DTNB: variants seen among roughly 807,000 people sequenced by gnomAD.
DTNB encodes dystrobrevin beta.
A neutral mutation model predicts 90.7 loss-of-function variants in DTNB; 63 were observed. The observed-to-expected ratio is 0.69, with a 90% CI of 0.57 to 0.86. The LOEUF is 0.86. Among genes scored for constraint, DTNB ranks in the 40% least tolerant of loss-of-function variants. The pLI, the probability that DTNB is intolerant of heterozygous loss-of-function variation, is 0.00. For synonymous variants in DTNB, 277 were observed against 286.7 expected, an observed-to-expected ratio of 0.97 and a Z score of 0.34; for missense variants, 744 against 807.1, an observed-to-expected ratio of 0.92 and a Z score of 0.95.
chr2:25,560,637 A>G (rs2058114239), intron 8 of DTNB, among the ~76,000 whole-genome samples: 1 of 152,180 alleles, frequency 6.6e-6, no homozygotes, highest in Non-Finnish European at 1.5e-5. Context: ...TGGGTCTCCA[A>G]CTTGCCAACT....
chr2:25,635,953 G>A (rs190056496), intron 3 of DTNB, among the ~76,000 whole-genome samples: 3 of 152,080 alleles, frequency 2.0e-5, no homozygotes, highest in Admixed American at 2.0e-4. Flanking sequence ...AACACAAGAG[G>A]GTCAAAAAGC....
chr2:25,402,189 T>A (rs1573892636), intron 16 of DTNB, among the ~76,000 whole-genome samples: 1 of 151,840 alleles, frequency 6.6e-6, no homozygotes, highest in South Asian at 2.1e-4. Flanking sequence ...GAGGGAGAGG[T>A]GATGGGGCTA....
chr2:25,393,579 A>G (rs1038105275), intron 16 of DTNB, among the ~76,000 whole-genome samples: 10 of 152,342 alleles, frequency 6.6e-5, no homozygotes, highest in Admixed American at 5.2e-4. Flanking sequence ...GCTCTGCTAT[A>G]TATCAACAGC....
intron 1 of DTNB, among the ~76,000 whole-genome samples, chr2:25,662,475 G>A (rs1177381609): frequency 6.6e-6 from 1 of 152,020 alleles, no homozygotes; most frequent in African/African-American, 2.4e-5. Context: ...CATATTAACA[G>A]AAGCAGGACT....
chr2:25,379,433 G>A (rs2036912910), intron 19 of DTNB, 110 bp from the exon 20 acceptor site: 6 of 1,237,862 alleles, frequency 4.8e-6, no homozygotes, highest in Non-Finnish European at 5.1e-6. Flanking sequence ...GGGCTTCCTT[G>A]CTTCTCCCGT....
chr2:25,638,564 A>G, intron 3 of DTNB, among the ~76,000 whole-genome samples: 1 of 152,118 alleles, frequency 6.6e-6, no homozygotes, highest in East Asian at 1.9e-4. Context: ...ATATATACAG[A>G]CACACACACA....
intron 4 of DTNB, among the ~76,000 whole-genome samples, chr2:25,619,776 T>C (rs2071932108): frequency 6.6e-6 from 1 of 152,168 alleles, no homozygotes; most frequent in Non-Finnish European, 1.5e-5. Flanking sequence ...GTGCAGTGGC[T>C]CAAGCCTGTA....
chr2:25,394,567 G>A (rs1311305761), intron 16 of DTNB, among the ~76,000 whole-genome samples: 1 of 152,016 alleles, frequency 6.6e-6, no homozygotes, highest in Non-Finnish European at 1.5e-5. Flanking sequence ...ATAAAAAAGT[G>A]GGCTAAGGAC....
intron 5 of DTNB, among the ~76,000 whole-genome samples, chr2:25,596,707 T>C (rs554545349): frequency 2.6e-5 from 4 of 152,314 alleles, no homozygotes; most frequent in Admixed American, 2.6e-4. Context: ...TCTATACTGA[T>C]GATGTAATGC....
intron 1 of DTNB, among the ~76,000 whole-genome samples, chr2:25,671,644 C>T (rs945440659): frequency 2.6e-5 from 4 of 152,124 alleles, no homozygotes; most frequent in Non-Finnish European, 5.9e-5. Flanking sequence ...ATTTTCTAAC[C>T]ATAGGTAGAA....
intron 4 of DTNB, among the ~76,000 whole-genome samples, chr2:25,610,429 T>C (rs1033659782): frequency 1.3e-5 from 2 of 152,332 alleles, no homozygotes; most frequent in South Asian, 2.1e-4. Flanking sequence ...TCTGGTTTTA[T>C]ATAATTTTAA....
At chr2:25,458,211 T>C (rs972093588) in intron 10 of DTNB, among the ~76,000 whole-genome samples, 5 of 152,194 alleles carry the variant, frequency 3.3e-5, no homozygotes, top group African/African-American at 1.2e-4. Flanking sequence ...AAATAGATGA[T>C]TCTGATGACT....
At chr2:25,493,271 A>G (rs1330353912) in intron 9 of DTNB, among the ~76,000 whole-genome samples, 4 of 152,176 alleles carry the variant, frequency 2.6e-5, no homozygotes, top group Admixed American at 2.6e-4. Context: ...GGAGGTAACC[A>G]TTTTAAATAC....
intron 9 of DTNB, among the ~76,000 whole-genome samples, chr2:25,487,347 T>C (rs896988448): frequency 6.6e-6 from 1 of 152,214 alleles, no homozygotes; most frequent in Non-Finnish European, 1.5e-5. Context: ...TGCTGAGTAA[T>C]ACACTGAATC....
At chr2:25,673,222 G>A (rs1160648709) in intron 1 of DTNB, among the ~76,000 whole-genome samples, 164 bp downstream of exon 1, 2 of 151,400 alleles carry the variant, frequency 1.3e-5, no homozygotes. Flanking sequence ...GCGGTGCAGC[G>A]GCCCCGGCTC....
intron 9 of DTNB, among the ~76,000 whole-genome samples, chr2:25,503,175 A>T (rs2071287434): frequency 6.6e-6 from 1 of 151,668 alleles, no homozygotes; most frequent in Non-Finnish European, 1.5e-5. Context: ...TACACAGAAA[A>T]CTCTAAAGAG....
chr2:25,417,328 AAGGTC>A (rs1182306851), intron 16 of DTNB, among the ~76,000 whole-genome samples: 1 of 152,186 alleles, frequency 6.6e-6, no homozygotes, highest in African/African-American at 2.4e-5. Flanking sequence ...CACAGAATGA[AAGGTC>A]ACTGAAATGG....
intron 1 of DTNB, among the ~76,000 whole-genome samples, chr2:25,663,072 C>A (rs1365575260): frequency 6.6e-6 from 1 of 151,982 alleles, no homozygotes; most frequent in African/African-American, 2.4e-5. Context: ...TGGCCCCCAC[C>A]CCCCAACAGG....
At chr2:25,450,320 G>T (rs2059087060) in intron 12 of DTNB, among the ~76,000 whole-genome samples, 1 of 152,146 alleles carries the variant, frequency 6.6e-6, no homozygotes, top group Non-Finnish European at 1.5e-5. Context: ...TTTTCTGACT[G>T]ATTTGCTTCT....
Sources: allele counts gnomAD v4.1 joint callset (sites outside exome capture counted in the v4.1 genomes callset), GRCh38; gene constraint gnomAD v4.1.1; transcripts MANE v1.5; gene names NCBI Gene and HGNC (gene_info 2026-07-23, HGNC 2026-07-21).